The following TARS1 variants were observed in gnomAD, a reference collection of about 807,000 sequenced individuals.
The protein encoded by TARS1 is threonyl-tRNA synthetase 1, also known as threonine--tRNA ligase 1, cytoplasmic.
In TARS1, 57 loss-of-function variants were observed where a neutral mutation model predicts 97.7. The observed-to-expected ratio is 0.58, with a 90% confidence interval of 0.47 to 0.73. The LOEUF (loss-of-function observed/expected upper bound fraction) is 0.73. Ranked by LOEUF, TARS1 falls within the 30% of genes least tolerant of loss-of-function variation. The pLI is 0.00. For synonymous variants in TARS1, 312 were observed against 293.7 expected (o/e 1.06, Z -0.64); for missense variants, 806 against 888.3 (o/e 0.91, Z 1.18).
intron 10 of TARS1, among the ~76,000 whole-genome samples, chr5:33,459,445 A>G (rs1742186526): frequency 6.6e-6 from 1 of 152,218 alleles, no homozygotes; most frequent in African/African-American, 2.4e-5. Flanking sequence ...TCATCCCTGT[A>G]TTGATGGACA....
chr5:33,453,944 T>C (rs1205482748), intron 4 of TARS1, among the ~76,000 whole-genome samples: 2 of 152,126 alleles, frequency 1.3e-5, no homozygotes, highest in Admixed American at 6.5e-5. Context: ...GGTCTTGAAC[T>C]CCTGACCTCA....
In TARS1 at chr5:33,457,403, G is replaced by C; in HGVS notation, c.984G>C (p.Arg328Ser). 6.2e-7 allele frequency: 1 copy of C among 1,613,776 alleles called. No homozygotes were observed. Among genetic ancestry groups the C allele is most frequent in the East Asian group, 2.2e-5 (1 of 44,856 alleles). The change falls in exon 9 of 19, where the codon AGG becomes AGC. Residue 328 changes from arginine to serine, a missense_variant and splice_region_variant. Arg to Ser is a moderately radical substitution (Grantham distance 110). Transcript: ENST00000265112. ...AKNRDHRKIG[R>S]DQELYFFHEL... ...ACCGAGATCATAGGAAAATTGGCAG[G>C]GTATGTTCAAGAACAATGATGTGTC...
chr5:33,442,608 T>C (rs191251123), intron 1 of TARS1, among the ~76,000 whole-genome samples: 3 of 152,290 alleles, frequency 2.0e-5, no homozygotes, highest in Non-Finnish European at 2.9e-5. Context: ...CGATCTCGGC[T>C]CACTGCAAGC....
intron 2 of TARS1, chr5:33,446,482 T>C (rs1314359591): frequency 5.2e-6 from 2 of 381,630 alleles, no homozygotes; most frequent in African/African-American, 4.2e-5. Context: ...AGACAAAGAG[T>C]ATAATTAGAA....
rs1463158415 is a variant in TARS1, at chr5:33,457,279, G to C, written c.860G>C (p.Gly287Ala). The C allele has an allele frequency of 2.5e-6, 4 of 1,613,934 alleles. No homozygotes were observed. The highest frequency in any genetic ancestry group is 3.4e-6 in the Non-Finnish European group (4 of 1,179,922). The stretch of plus-strand genomic sequence containing the variant: ...CAGAATTCCTCCACGTACTGGGAAG[G>C]CAAAGCAGATATGGAGACTCTCCAG... Reference protein sequence around the residue: ...IHKNSSTYWEGKADMETLQRI... With the variant: ...IHKNSSTYWEAKADMETLQRI... The change falls in exon 9 of 19, where the codon GGC (glycine) becomes GCC (alanine). Residue 287 changes from glycine to alanine, a missense_variant. Physicochemically the swap from Gly to Ala is moderately conservative, Grantham distance 60. Around this residue, in one of 3 missense-constraint regions of TARS1, gnomAD observed 356 missense variants for 357.8 expected, o/e 0.99. Transcript: ENST00000265112.
rs369816292 is a variant in TARS1 at position 33,462,250 on chromosome 5, A to C, written c.1835+47A>C. 3.3e-6 allele frequency: 5 copies of C among 1,511,958 alleles called. No homozygotes were observed. In the African/African-American group the frequency reaches 6.9e-5, roughly 21 times the overall value. 93.7% of individuals were successfully genotyped at this position (1,511,958 alleles called of 1,614,324 possible). On this transcript the variant is annotated intron_variant, in intron 16 of 18. Transcript: ENST00000265112. ...TTTTTCTGATTAGTATAAATTGGCT[A>C]CAAGAAATGTCTACTTTTCGATTTA...
At chr5:33,453,258 G>A (rs1741836282) in intron 3 of TARS1, 31 bp from the exon 4 acceptor site, 2 of 1,484,598 alleles carry the variant, frequency 1.3e-6, no homozygotes, top group South Asian at 2.6e-5. Context: ...TTATATATGT[G>A]TGGACTTTTT....
Position 33,466,963 on chromosome 5 carries a change from A to C in TARS1, c.2001A>C (p.Leu667Phe). 6.3e-7 allele frequency: 1 copy of C among 1,586,082 alleles called. No individual in the cohort carries two copies. The highest frequency in any genetic ancestry group is 1.8e-5 in the Admixed American group (1 of 56,062). ...TLNKKIRNAQLAQYNFILVVG... is the reference protein window; with the variant it reads ...TLNKKIRNAQFAQYNFILVVG... ...ATAAAAAGATTCGAAATGCACAGTTAGCACAGTATAACTTCATTTTAGGTA... is the reference window on the plus strand; with the variant it reads ...ATAAAAAGATTCGAAATGCACAGTTCGCACAGTATAACTTCATTTTAGGTA... The change falls in exon 18 of 19, where the codon TTA (leucine) becomes TTC (phenylalanine). Residue 667 changes from leucine to phenylalanine, a missense_variant. Around this residue, in one of 3 missense-constraint regions of TARS1, gnomAD observed 446 missense variants for 511.0 expected, o/e 0.87. Coordinates refer to ENST00000265112, the MANE Select transcript of TARS1 (RefSeq NM_152295.5).
Position 33,448,648 on chromosome 5 carries a change from A to G in TARS1, c.246A>G (p.Pro82=). The change falls in exon 3 of 19, where the codon CCA becomes CCG. Residue 82 remains proline, a synonymous_variant. Coordinates refer to ENST00000265112, the MANE Select transcript of TARS1 (RefSeq NM_152295.5). Reference sequence around the variant, plus strand: ...AAAAGGCAGAAAAAGATAGCAAGCCAATTAAAGTCACTTTGCCTGATGGTA... The same window carrying G: ...AAAAGGCAGAAAAAGATAGCAAGCCGATTAAAGTCACTTTGCCTGATGGTA... ...LAEKAEKDSK[P]IKVTLPDGKQ... 6.2e-7 allele frequency: 1 copy of G among 1,613,974 alleles called. No individual in the cohort carries two copies.
At chr5:33,443,159 C>T (rs1329679297) in intron 1 of TARS1, among the ~76,000 whole-genome samples, 1 of 152,164 alleles carries the variant, frequency 6.6e-6, no homozygotes, top group Non-Finnish European at 1.5e-5. Context: ...GAAAAGGGGT[C>T]ATAGGCCTCA....
At chr5:33,452,351 T>G (rs1741787075) in intron 3 of TARS1, 1 of 1,535,508 alleles carries the variant, frequency 6.5e-7, no homozygotes, top group Admixed American at 2.0e-5. Flanking sequence ...TCACACAGCT[T>G]CCTGCAAAAA....
Position 33,455,573 on chromosome 5 carries a change from T to C in TARS1, c.576-14T>C, listed in dbSNP as rs773887537. On this transcript the variant is annotated splice_polypyrimidine_tract_variant and intron_variant, in intron 5 of 18. Coordinates refer to ENST00000265112, the MANE Select transcript of TARS1 (RefSeq NM_152295.5). ...TCGAATGGAATGAAAAGATTATACT[T>C]TCTTCTCCTTCAGGGGTGTGTCTAG... is the stretch of plus-strand genomic sequence containing the variant. The C allele has an allele frequency of 6.5e-7, 1 of 1,528,988 alleles. No individual in the cohort carries two copies. The highest frequency in any genetic ancestry group is 8.9e-7 in the Non-Finnish European group (1 of 1,118,026). 94.7% of individuals were successfully genotyped at this position (1,528,988 alleles called of 1,614,324 possible). A position where few individuals can be genotyped will look rare whatever the true frequency, so the allele number is the denominator to read the frequency against.
intron 1 of TARS1, among the ~76,000 whole-genome samples, chr5:33,442,397 A>G (rs1741154319): frequency 7.8e-6 from 1 of 127,672 alleles, no homozygotes; most frequent in Non-Finnish European, 1.5e-5. Flanking sequence ...CTCCTGTGCT[A>G]TTCTTAATTG....
chr5:33,454,934 T>G lies in TARS1; in HGVS notation c.454-11T>G, dbSNP rs755546095. Reference sequence around the variant, plus strand: ...AGACTCAGACCATGCCATTTTTCTTTAAATTTTCAGGTGTATTGGCACTCT... The same window carrying G: ...AGACTCAGACCATGCCATTTTTCTTGAAATTTTCAGGTGTATTGGCACTCT... On this transcript the variant is annotated splice_polypyrimidine_tract_variant and intron_variant, in intron 4 of 18. Transcript: ENST00000265112. 23 of 1,612,302 alleles carry G rather than the reference T, an allele frequency of 1.4e-5. No homozygotes were observed. The highest frequency in any genetic ancestry group is 1.9e-5 in the Non-Finnish European group (22 of 1,179,262).
chr5:33,461,527 A>G, intron 13 of TARS1, 140 bp from the exon 14 acceptor site: 1 of 986,146 alleles, frequency 1.0e-6, no homozygotes, highest in Non-Finnish European at 1.5e-6. Context: ...GGTTGGTATG[A>G]GCATATGTTC....
At position 33,467,727 on chromosome 5, in the gene TARS1, T is replaced by C; in HGVS notation, c.*19T>C. 6.2e-7 allele frequency: 1 copy of C among 1,600,888 alleles called. No individual in the cohort carries two copies. Among genetic ancestry groups the C allele is most frequent in the Non-Finnish European group, 8.5e-7 (1 of 1,174,730 alleles). ...ATTTTAATGAAAAAATTACCCAGAT[T>C]GGCTCCATGGAAAAGGAGGAACAGC... On this transcript the variant is annotated 3_prime_UTR_variant, in exon 19 of 19. Coordinates refer to ENST00000265112, the MANE Select transcript of TARS1 (RefSeq NM_152295.5).
chr5:33,466,805 A>C (rs1698944255), intron 17 of TARS1, 66 bp from the exon 18 acceptor site: 2 of 1,171,528 alleles, frequency 1.7e-6, no homozygotes, highest in East Asian at 2.7e-5. Flanking sequence ...GTTCAGTAAA[A>C]TCATGTGAGA....
At chr5:33,451,824 C>T (rs548524830) in intron 3 of TARS1, among the ~76,000 whole-genome samples, 1 of 152,270 alleles carries the variant, frequency 6.6e-6, no homozygotes, top group Admixed American at 6.5e-5. Context: ...TCATGTTCTT[C>T]CCAAAGAATA....
At chr5:33,461,533 T>C in intron 13 of TARS1, 134 bp from the exon 14 acceptor site, 1 of 1,020,774 alleles carries the variant, frequency 9.8e-7, no homozygotes, top group South Asian at 1.7e-5. Flanking sequence ...TATGAGCATA[T>C]GTTCAGGTGG....
Sources: allele counts gnomAD v4.1 joint callset (sites outside exome capture counted in the v4.1 genomes callset), GRCh38; gene constraint gnomAD v4.1.1; regional missense constraint gnomAD v4.1.1; transcripts MANE v1.5; gene names NCBI Gene and HGNC (gene_info 2026-07-23, HGNC 2026-07-21).